Variants in FER1L6 observed in about 807,000 individuals in gnomAD.
FER1L6 encodes fer-1 like family member 6.
A neutral mutation model predicts 219.2 loss-of-function variants in FER1L6; 177 were observed. That is an observed-to-expected ratio of 0.81 (90% CI 0.71 to 0.91). The LOEUF is 0.91. FER1L6 is among the 40% of genes least tolerant of loss of function. The probability of loss-of-function intolerance (pLI) is 0.00; values close to 1 mark genes in which losing one functional copy is unlikely to be tolerated. For synonymous variants in FER1L6, 768 were observed against 824.3 expected, an observed-to-expected ratio of 0.93 and a Z score of 1.17; for missense variants, 2,153 against 2,259.9, an observed-to-expected ratio of 0.95 and a Z score of 0.96.
At chr8:123,943,823 G>A (rs1217501939) in intron 1 of FER1L6, among the ~76,000 whole-genome samples, 1 of 152,054 alleles carries the variant, frequency 6.6e-6, no homozygotes, top group African/African-American at 2.4e-5. Flanking sequence ...GCAGACAGAG[G>A]GCAAAGGGGC....
chr8:124,002,433 C>A (rs1045407864), intron 12 of FER1L6, among the ~76,000 whole-genome samples: 1 of 152,178 alleles, frequency 6.6e-6, no homozygotes, highest in Non-Finnish European at 1.5e-5. Context: ...TGATCCTGAA[C>A]CTTTCTTGAT....
intron 1 of FER1L6, among the ~76,000 whole-genome samples, chr8:123,883,022 G>A (rs1366842547): frequency 1.3e-5 from 2 of 152,166 alleles, no homozygotes; most frequent in African/African-American, 4.8e-5. Flanking sequence ...TCTCAGGTTT[G>A]CTGTGAACCT....
intron 39 of FER1L6, 47 bp downstream of exon 39, chr8:124,103,356 C>T (rs373005999): frequency 1.5e-5 from 24 of 1,572,376 alleles, no homozygotes; most frequent in Non-Finnish European, 1.9e-5. Flanking sequence ...AAGTTGGGGG[C>T]ATCATGCTTT....
rs765556572 is a variant in FER1L6, at chr8:124,010,663, G to C, written c.1770G>C (p.Gln590His). ...ATTTCATCAGCTCTTGGGGAGACCA[G>C]ACCTTCAGGCTGCACTGGTCCAACA... ...CVYFISSWGDQTFRLHWSNML... is the reference protein window; with the variant it reads ...CVYFISSWGDHTFRLHWSNML... The change falls in exon 14 of 41, where the codon CAG becomes CAC. Residue 590 changes from glutamine to histidine, a missense_variant. Coordinates refer to ENST00000522917, the MANE Select transcript of FER1L6 (RefSeq NM_001039112.2). 7.4e-6 allele frequency: 12 copies of C among 1,613,956 alleles called. No homozygotes were observed. The East Asian group carries it at 2.7e-4, about 36-fold the overall frequency.
intron 12 of FER1L6, among the ~76,000 whole-genome samples, chr8:123,986,644 G>A (rs1043780421): frequency 1.5e-4 from 23 of 151,684 alleles, no homozygotes; most frequent in Admixed American, 4.6e-4. Context: ...TTAACCATCT[G>A]CACTTCTCCC....
intron 1 of FER1L6, among the ~76,000 whole-genome samples, chr8:123,919,986 C>T (rs1021935937): frequency 2.6e-5 from 4 of 152,224 alleles, no homozygotes; most frequent in African/African-American, 9.6e-5. Context: ...CCCTAAGCCC[C>T]TGGCACATGT....
intron 31 of FER1L6, among the ~76,000 whole-genome samples, chr8:124,073,256 A>G (rs553046169): frequency 6.6e-6 from 1 of 152,328 alleles, no homozygotes; most frequent in African/African-American, 2.4e-5. Context: ...ACTATCTTCT[A>G]GGCAAAGGCC....
chr8:124,101,125 C>CA lies in FER1L6; in HGVS notation c.4913dup (p.Glu1639GlyfsTer29). 1.2e-6 allele frequency: 2 copies of CA among 1,613,608 alleles called. No homozygotes were observed. The highest frequency in any genetic ancestry group is 8.5e-7 in the Non-Finnish European group (1 of 1,179,754). On this transcript the variant is annotated frameshift_variant, in exon 38 of 41. Transcript: ENST00000522917. LOFTEE classifies it high-confidence loss of function. ...GTTAAAGGGCTTGGAGGATGACAAGCAGGAGACAGATGTGCATTACAACTC... is the reference window on the plus strand; with the variant it reads ...GTTAAAGGGCTTGGAGGATGACAAGCAAGGAGACAGATGTGCATTACAACTC...
In FER1L6 at chr8:123,852,628, C is replaced by T. The variant is rs17352760; in HGVS notation, c.-8+443C>T. On this transcript the variant is annotated intron_variant, in intron 1 of 40. Transcript: ENST00000522917. The surrounding 1 kb of genome is among the most constrained non-coding windows in gnomAD (Gnocchi z 4.9). ...AACTCATAGAAAATGTGGGGCCTCT[C>T]ACAAGATTGTTAGACTTTTAAAACA... Among the ~76,000 whole-genome samples the T allele has an allele frequency of 0.065, 9,886 of 152,102 alleles. 408 individuals are homozygous for T. The highest frequency in any genetic ancestry group is 0.091 in the South Asian group (439 of 4,822).
chr8:124,038,431 C>T (rs569918126), intron 19 of FER1L6, among the ~76,000 whole-genome samples: 24 of 152,298 alleles, frequency 1.6e-4, no homozygotes, highest in Admixed American at 2.6e-4. Context: ...ACCTCTAATT[C>T]GTTGCCCCTA....
chr8:124,110,607 AC>A (rs1563806411), intron 39 of FER1L6, among the ~76,000 whole-genome samples: 1 of 152,308 alleles, frequency 6.6e-6, no homozygotes, highest in East Asian at 1.9e-4. Flanking sequence ...ACTAAAAGCA[AC>A]CCGTTAAGAG....
chr8:124,087,204 C>T (rs1378378555), intron 33 of FER1L6, among the ~76,000 whole-genome samples: 2 of 152,044 alleles, frequency 1.3e-5, no homozygotes, highest in Admixed American at 6.6e-5. Flanking sequence ...TCTTTAAGGC[C>T]AGTAACTCTT....
At chr8:124,102,636 C>G (rs185874673) in intron 38 of FER1L6, among the ~76,000 whole-genome samples, 1 of 152,186 alleles carries the variant, frequency 6.6e-6, no homozygotes, top group Non-Finnish European at 1.5e-5. Flanking sequence ...TGTGTTCCCT[C>G]GTTGGAAAAA....
intron 1 of FER1L6, among the ~76,000 whole-genome samples, chr8:123,933,055 C>T (rs1813838298): frequency 6.6e-6 from 1 of 152,174 alleles, no homozygotes; most frequent in Admixed American, 6.5e-5. Context: ...AGTGCCTTCC[C>T]CTGACCCACA....
chr8:123,865,572 C>A (rs1014516577), intron 1 of FER1L6, among the ~76,000 whole-genome samples: 11 of 151,432 alleles, frequency 7.3e-5, no homozygotes, highest in South Asian at 2.1e-4. Flanking sequence ...GGGCGCCCCT[C>A]CCCCAGCCTC....
chr8:124,100,706 C>T (rs945600724), intron 37 of FER1L6, among the ~76,000 whole-genome samples: 6 of 152,154 alleles, frequency 3.9e-5, no homozygotes, highest in African/African-American at 1.4e-4. Flanking sequence ...TCAGAGTCCT[C>T]AGTGTAGTGG....
At chr8:124,086,125 G>C (rs1821775260) in intron 33 of FER1L6, among the ~76,000 whole-genome samples, 2 of 149,702 alleles carry the variant, frequency 1.3e-5, no homozygotes, top group African/African-American at 4.9e-5. Context: ...TTTTTTGTAG[G>C]CAACGGAGTA....
rs1029712357 is a variant in FER1L6 at position 124,094,964 on chromosome 8, G to T, written c.4621G>T (p.Val1541Phe). The change falls in exon 35 of 41, where the codon GTC (valine) becomes TTC (phenylalanine). Residue 1541 changes from valine to phenylalanine, a missense_variant. Val to Phe is a conservative substitution (Grantham distance 50, BLOSUM62 -1). Coordinates refer to ENST00000522917, the MANE Select transcript of FER1L6 (RefSeq NM_001039112.2). Reference protein sequence around the residue: ...VLHSWEDIPEVGCRLVPEHIE... With the variant: ...VLHSWEDIPEFGCRLVPEHIE... ...ACACTCTTGGGAGGATATCCCGGAA[G>T]TCGGGTGTAGGCTGGTTCCTGAACA... 6 of 1,614,046 alleles carry T rather than the reference G, an allele frequency of 3.7e-6. No homozygotes were observed. In the African/African-American group the frequency reaches 5.3e-5, roughly 14 times the overall value.
intron 3 of FER1L6, 144 bp from the exon 4 acceptor site, chr8:123,965,863 G>A (rs10282763): frequency 4.4e-5 from 33 of 750,910 alleles, no homozygotes; most frequent in Admixed American, 1.6e-4. Context: ...TCATTTGTCC[G>A]CTTATACTTA....
Sources: allele counts gnomAD v4.1 joint callset (sites outside exome capture counted in the v4.1 genomes callset), GRCh38; gene constraint gnomAD v4.1.1; non-coding constraint Gnocchi (gnomAD v3.1); transcripts MANE v1.5; gene names NCBI Gene and HGNC (gene_info 2026-07-23, HGNC 2026-07-21).